The following EMC8 variants were observed in gnomAD, a reference collection of about 807,000 sequenced individuals.
The protein encoded by EMC8 is ER membrane protein complex subunit 8.
Under a neutral mutation model 24.3 loss-of-function variants are expected in EMC8, and 11 were observed. The ratio of observed to expected loss-of-function variants is 0.45; its 90% confidence interval spans 0.28 to 0.75. The LOEUF (loss-of-function observed/expected upper bound fraction) is 0.75. EMC8 is among the 30% of genes least tolerant of loss of function. The pLI is 0.12. For synonymous variants in EMC8, 145 were observed against 117.7 expected, an observed-to-expected ratio of 1.23 and a Z score of -1.50; for missense variants, 277 against 282.7, an observed-to-expected ratio of 0.98 and a Z score of 0.14.
At position 85,779,699 on chromosome 16, in the gene EMC8, G is replaced by T. The variant is rs59617601; in HGVS notation, c.*9C>A. ...GAAAGGCCCGGAGCCCAGTCACAGC[G>T]GTGCCTGCCTAGCACAAGTGTAGGA... On this transcript the variant is annotated 3_prime_UTR_variant, in exon 5 of 5. Coordinates refer to ENST00000253457, the MANE Select transcript of EMC8 (RefSeq NM_006067.5). 6.2e-7 allele frequency: 1 copy of T among 1,613,452 alleles called. No individual in the cohort carries two copies. Among genetic ancestry groups the T allele is most frequent in the Admixed American group, 1.7e-5 (1 of 60,018 alleles).
rs909827100 is a variant in EMC8, at chr16:85,799,370, C to T, written c.-75G>A. On this transcript the variant is annotated 5_prime_UTR_variant, in exon 1 of 5. Coordinates refer to ENST00000253457, the MANE Select transcript of EMC8 (RefSeq NM_006067.5). The surrounding 1 kb of genome is among the most constrained non-coding windows in gnomAD (Gnocchi z 4.2). ...GACCCGCTGCCTGGCCGCGCGGCGC[C>T]TCAGCCGAGAAGCGGGACGAGGCGG... 1.0e-6 allele frequency: 1 copy of T among 966,456 alleles called. No individual in the cohort carries two copies. The highest frequency in any genetic ancestry group is 1.7e-5 in the African/African-American group (1 of 57,372). 59.9% of individuals were successfully genotyped at this position (966,456 alleles called of 1,614,324 possible).
At chr16:85,788,067 C>T (rs1370208025) in intron 2 of EMC8, among the ~76,000 whole-genome samples, 2 of 152,220 alleles carry the variant, frequency 1.3e-5, no homozygotes, top group Non-Finnish European at 2.9e-5. Context: ...GAGGAAGCCA[C>T]GTCAGGGCAG....
In EMC8 at chr16:85,799,411, C is replaced by T. The variant is rs371402997; in HGVS notation, c.-116G>A. 4.7e-5 allele frequency: 27 copies of T among 579,682 alleles called. No homozygotes were observed. The highest frequency in any genetic ancestry group is 3.2e-4 in the East Asian group (9 of 27,874). The allele number at this position is 579,682 out of a possible 1,614,324, so 35.9% of individuals were successfully genotyped here. On this transcript the variant is annotated 5_prime_UTR_variant, in exon 1 of 5. Transcript: ENST00000253457. This position sits in a 1 kb window ranked among gnomAD's most constrained non-coding sequence, Gnocchi z 4.2. ...GACGAGGCGGCGGCGATTGATGGCGCGGCCGCGGGCTGGCGGGGGACCCTT... is the reference window on the plus strand; with the variant it reads ...GACGAGGCGGCGGCGATTGATGGCGTGGCCGCGGGCTGGCGGGGGACCCTT...
At chr16:85,797,738 G>A (rs550052358) in intron 1 of EMC8, among the ~76,000 whole-genome samples, 2 of 152,128 alleles carry the variant, frequency 1.3e-5, no homozygotes, top group African/African-American at 2.4e-5. Context: ...GTGGAGGAGG[G>A]ACACAGATAA....
In EMC8 at chr16:85,799,251, C is replaced by T; in HGVS notation, c.45G>A (p.Val15=). ...KLTTQAYCKM[V]LHGAKYPHCA... ...AGTGCGGGTACTTGGCGCCGTGCAG[C>T]ACCATCTTGCAGTAGGCCTGGGTGG... The change falls in exon 1 of 5, where the codon GTG becomes GTA. Residue 15 remains valine, a synonymous_variant. Coordinates refer to ENST00000253457, the MANE Select transcript of EMC8 (RefSeq NM_006067.5). The surrounding 1 kb of genome is among the most constrained non-coding windows in gnomAD (Gnocchi z 4.2). 6.2e-7 allele frequency: 1 copy of T among 1,612,646 alleles called. No homozygotes were observed.
intron 1 of EMC8, among the ~76,000 whole-genome samples, chr16:85,794,394 T>C (rs1222716612): frequency 6.6e-6 from 1 of 152,108 alleles, no homozygotes; most frequent in Admixed American, 6.5e-5. Flanking sequence ...TTTGTGAATA[T>C]GAGAAAAGTC....
At chr16:85,787,654 A>G (rs1904815418) in intron 2 of EMC8, 1 of 152,198 alleles carries the variant, frequency 6.6e-6, no homozygotes, top group South Asian at 2.1e-4. Flanking sequence ...GAAGGCGGAG[A>G]GGCCAGTGCT....
rs1334645618 is a variant in EMC8, at chr16:85,779,570, C to T, written c.*138G>A. On this transcript the variant is annotated 3_prime_UTR_variant, in exon 5 of 5. Coordinates refer to ENST00000253457, the MANE Select transcript of EMC8 (RefSeq NM_006067.5). ...AAACACGACCGACTGAACATTCTGC[C>T]CCCTTTCAAGGCACATGCCACTTCT... 4.8e-6 allele frequency: 4 copies of T among 825,278 alleles called. No homozygotes were observed. The African/African-American group carries it at 6.8e-5, about 14-fold the overall frequency. 51.1% of individuals were successfully genotyped at this position (825,278 alleles called of 1,614,324 possible).
chr16:85,783,463 C>G (rs1904606746), intron 2 of EMC8, among the ~76,000 whole-genome samples: 2 of 152,152 alleles, frequency 1.3e-5, no homozygotes, highest in South Asian at 4.1e-4. Context: ...TCAGCTTAGG[C>G]TCTTCTTATC....
At chr16:85,798,114 GTTTTTTTTTTTTTTT>G (rs1163747067) in intron 1 of EMC8, among the ~76,000 whole-genome samples, 4 of 72,182 alleles carry the variant, frequency 5.5e-5, no homozygotes, top group Admixed American at 2.2e-4. Context: ...ACAGAAATTC[GTTTTTTTTTTTTTTT>G]TTTTTTTTTT....
In EMC8 at chr16:85,785,679, C is replaced by T. The variant is rs150975906; in HGVS notation, c.308+3295G>A. Among the ~76,000 whole-genome samples, 143 of 152,364 alleles carry T rather than the reference C, an allele frequency of 9.4e-4. No individual in the cohort carries two copies. The East Asian group carries it at 0.025, about 27-fold the overall frequency. On this transcript the variant is annotated intron_variant, in intron 2 of 4. Coordinates refer to ENST00000253457, the MANE Select transcript of EMC8 (RefSeq NM_006067.5). ...TGTCTTAGGCACTGAATCTCCAATA[C>T]TGATCCACTTGATCCTGAATGAAGA...
At chr16:85,790,592 T>A (rs968211709) in intron 1 of EMC8, among the ~76,000 whole-genome samples, 1 of 152,234 alleles carries the variant, frequency 6.6e-6, no homozygotes, top group African/African-American at 2.4e-5. Flanking sequence ...GGGCTTGCTC[T>A]AAATTTGGTC....
At chr16:85,789,199 C>T in intron 1 of EMC8, 149 bp from the exon 2 acceptor site, 1 of 642,490 alleles carries the variant, frequency 1.6e-6, no homozygotes, top group South Asian at 1.8e-5. Flanking sequence ...AAGGGTAGGA[C>T]TCAGGAAAAA....
chr16:85,784,186 G>A (rs1324932555), intron 2 of EMC8, among the ~76,000 whole-genome samples: 1 of 152,130 alleles, frequency 6.6e-6, no homozygotes, highest in Non-Finnish European at 1.5e-5. Flanking sequence ...TTTTAGTAGA[G>A]ATGGGGTTTC....
intron 2 of EMC8, among the ~76,000 whole-genome samples, chr16:85,783,051 G>T (rs866919089): frequency 4.6e-5 from 7 of 152,302 alleles, no homozygotes; most frequent in South Asian, 2.1e-4. Context: ...TGTAATCCCT[G>T]CACTTTCGGA....
chr16:85,793,943 C>A (rs1369409907), intron 1 of EMC8, among the ~76,000 whole-genome samples: 2 of 151,916 alleles, frequency 1.3e-5, no homozygotes, highest in Admixed American at 6.5e-5. Context: ...AAAGCATGCA[C>A]AAATGCAAGG....
At chr16:85,794,894 G>A (rs1905185157) in intron 1 of EMC8, among the ~76,000 whole-genome samples, 1 of 152,200 alleles carries the variant, frequency 6.6e-6, no homozygotes, top group Non-Finnish European at 1.5e-5. Context: ...GTGGGCCCCT[G>A]CGGTGCCCGG....
chr16:85,782,304 A>C (rs1022432908), intron 2 of EMC8, among the ~76,000 whole-genome samples: 4 of 152,166 alleles, frequency 2.6e-5, no homozygotes, highest in African/African-American at 9.7e-5. Flanking sequence ...ATGAGCCTCC[A>C]CTGCTGGCTC....
chr16:85,780,146 G>A, intron 4 of EMC8: 2 of 602,184 alleles, frequency 3.3e-6, no homozygotes, highest in Middle Eastern at 4.4e-4. Context: ...CACAGGCCTG[G>A]GAAGAGTGTC....
Sources: allele counts gnomAD v4.1 joint callset (sites outside exome capture counted in the v4.1 genomes callset), GRCh38; gene constraint gnomAD v4.1.1; non-coding constraint Gnocchi (gnomAD v3.1); transcripts MANE v1.5; gene names NCBI Gene and HGNC (gene_info 2026-07-23, HGNC 2026-07-21).